The following MED27 variants were observed in gnomAD, a reference collection of about 807,000 sequenced individuals.
The protein encoded by MED27 is mediator of RNA polymerase II transcription subunit 27.
Under a neutral mutation model 38.2 loss-of-function variants are expected in MED27, and 30 were observed. That is an observed-to-expected ratio of 0.79 (90% CI 0.59 to 1.07). MED27 has a LOEUF of 1.07. Among genes scored for constraint, MED27 ranks in the 50% least tolerant of loss-of-function variants. The pLI, the probability that MED27 is intolerant of heterozygous loss-of-function variation, is 0.00. For missense variants in MED27, 289 were observed against 397.5 expected (o/e 0.73, Z 2.32); for synonymous variants, 122 against 153.5 (o/e 0.79, Z 1.52).
At chr9:132,074,096 G>C (rs1833998376) in intron 2 of MED27, among the ~76,000 whole-genome samples, 1 of 152,198 alleles carries the variant, frequency 6.6e-6, no homozygotes, top group South Asian at 2.1e-4. Flanking sequence ...CAGCGTTGAT[G>C]CCAATTATTT....
intron 2 of MED27, among the ~76,000 whole-genome samples, chr9:132,070,258 C>T (rs1833906402): frequency 6.6e-6 from 1 of 152,196 alleles, no homozygotes; most frequent in Admixed American, 6.5e-5. Context: ...AGATATTGTC[C>T]TAAAGAAACA....
chr9:131,998,550 C>T (rs561348850), intron 3 of MED27, among the ~76,000 whole-genome samples: 2 of 152,298 alleles, frequency 1.3e-5, no homozygotes, highest in South Asian at 4.1e-4. Context: ...TACTACCCAA[C>T]GATGTCAGAG....
chr9:131,876,143 G>A (rs961576916), intron 6 of MED27, among the ~76,000 whole-genome samples: 2 of 152,200 alleles, frequency 1.3e-5, no homozygotes, highest in Admixed American at 1.3e-4. Context: ...CAGCCCTATG[G>A]GCTGAGGACG....
At chr9:132,074,976 T>C (rs1834014345) in intron 2 of MED27, among the ~76,000 whole-genome samples, 1 of 152,194 alleles carries the variant, frequency 6.6e-6, no homozygotes, top group African/African-American at 2.4e-5. Context: ...CAGGAAAGAA[T>C]GCAATGGTTG....
In MED27 at chr9:132,068,191, G is replaced by A. The variant is rs117489763; in HGVS notation, c.348+9251C>T. ...ACAGGTCATGTACAGAGACTCCCCC[G>A]GGCCACACACTCGCATGCAGTATTC... On this transcript the variant is annotated intron_variant, in intron 2 of 7. Transcript: ENST00000292035. Among the ~76,000 whole-genome samples, 559 of 152,132 alleles carry A rather than the reference G, an allele frequency of 3.7e-3. 3 individuals are homozygous for A. The highest frequency in any genetic ancestry group is 6.1e-3 in the Non-Finnish European group (413 of 68,000).
At chr9:131,890,856 C>T (rs572506246) in intron 5 of MED27, among the ~76,000 whole-genome samples, 3 of 152,332 alleles carry the variant, frequency 2.0e-5, no homozygotes, top group East Asian at 3.9e-4. Context: ...GAGGAGGATT[C>T]GACAGCCACC....
chr9:132,038,349 GC>G (rs1833129307), intron 2 of MED27, among the ~76,000 whole-genome samples: 1 of 151,350 alleles, frequency 6.6e-6, no homozygotes, highest in African/African-American at 2.4e-5. Context: ...CCGCCACTAC[GC>G]CCGGCTAATT....
chr9:131,943,274 C>A (rs1389145295), intron 3 of MED27, among the ~76,000 whole-genome samples: 1 of 152,162 alleles, frequency 6.6e-6, no homozygotes, highest in Non-Finnish European at 1.5e-5. Flanking sequence ...ACAGACCCAA[C>A]CTTCGAAACA....
chr9:132,077,217 A>C (rs998600856), intron 2 of MED27, among the ~76,000 whole-genome samples: 35 of 152,242 alleles, frequency 2.3e-4, no homozygotes, highest in Admixed American at 2.1e-3. Context: ...AATACACCTG[A>C]GTTAGAATTT....
In MED27 at chr9:131,860,265, T is replaced by C. The variant is rs1838630256; in HGVS notation, c.*273A>G. The stretch of plus-strand genomic sequence containing the variant: ...CAGACACCAGCACTGCCGACACACA[T>C]GGACGAGGAGCATGCTGCACAGCTT... On this transcript the variant is annotated 3_prime_UTR_variant, in exon 8 of 8. Transcript: ENST00000292035. The surrounding 1 kb of genome is among the most constrained non-coding windows in gnomAD (Gnocchi z 5.8). The C allele has an allele frequency of 1.1e-5, 4 of 354,216 alleles. No individual in the cohort carries two copies. The Admixed American group carries it at 1.8e-4, about 16-fold the overall frequency. The allele number at this position is 354,216 out of a possible 1,614,324, so 21.9% of individuals were successfully genotyped here.
At chr9:132,044,512 A>G (rs1833289354) in intron 2 of MED27, among the ~76,000 whole-genome samples, 1 of 152,266 alleles carries the variant, frequency 6.6e-6, no homozygotes, top group Non-Finnish European at 1.5e-5. Flanking sequence ...CAACACGAAC[A>G]GAAGGTGAAG....
intron 2 of MED27, among the ~76,000 whole-genome samples, chr9:132,029,212 G>A (rs1413956281): frequency 6.6e-6 from 1 of 152,174 alleles, no homozygotes; most frequent in Non-Finnish European, 1.5e-5. Flanking sequence ...AAAGCTTTTA[G>A]AATTCTGAAA....
chr9:132,073,354 G>A (rs1833982475), intron 2 of MED27: 7 of 1,001,588 alleles, frequency 7.0e-6, no homozygotes, highest in Admixed American at 6.0e-5. Context: ...AACAGAAAAC[G>A]CTTCGATTCA....
chr9:132,040,873 C>T (rs1001502216), intron 2 of MED27, among the ~76,000 whole-genome samples: 11 of 152,190 alleles, frequency 7.2e-5, no homozygotes, highest in African/African-American at 2.7e-4. Flanking sequence ...ATCATTTTCC[C>T]TCATGTTGAG....
At chr9:131,909,971 A>T (rs1411159055) in intron 4 of MED27, among the ~76,000 whole-genome samples, 5 of 152,364 alleles carry the variant, frequency 3.3e-5, no homozygotes, top group African/African-American at 1.2e-4. Flanking sequence ...TAAACTCTGG[A>T]CTTCAACTCA....
At chr9:132,033,959 C>T (rs1833019045) in intron 2 of MED27, among the ~76,000 whole-genome samples, 1 of 152,084 alleles carries the variant, frequency 6.6e-6, no homozygotes, top group Non-Finnish European at 1.5e-5. Flanking sequence ...TCATTCATGC[C>T]AGGTGAGGCT....
chr9:132,019,527 A>T (rs1707952859), intron 2 of MED27, among the ~76,000 whole-genome samples: 2 of 152,160 alleles, frequency 1.3e-5, no homozygotes, highest in Non-Finnish European at 2.9e-5. Flanking sequence ...TCAAAAGAAA[A>T]GGGGTCCATA....
intron 4 of MED27, among the ~76,000 whole-genome samples, chr9:131,939,042 T>C (rs889841848): frequency 1.3e-5 from 2 of 152,300 alleles, no homozygotes; most frequent in South Asian, 4.1e-4. Context: ...GATCCAACAG[T>C]TGAGCATCAC....
chr9:131,965,068 G>A (rs1831309224), intron 3 of MED27, among the ~76,000 whole-genome samples: 1 of 152,182 alleles, frequency 6.6e-6, no homozygotes, highest in Non-Finnish European at 1.5e-5. Flanking sequence ...GGTTTGGGAA[G>A]GTGAAAAAGT....
Sources: allele counts gnomAD v4.1 joint callset (sites outside exome capture counted in the v4.1 genomes callset), GRCh38; gene constraint gnomAD v4.1.1; non-coding constraint Gnocchi (gnomAD v3.1); transcripts MANE v1.5; gene names NCBI Gene and HGNC (gene_info 2026-07-23, HGNC 2026-07-21).